The following UBE3C variants were observed in gnomAD, a reference collection of about 807,000 sequenced individuals.
UBE3C encodes the protein ubiquitin-protein ligase E3C.
In UBE3C, 42 loss-of-function variants were observed where a neutral mutation model predicts 129.4. The observed-to-expected ratio is 0.32, with a 90% CI of 0.25 to 0.42. UBE3C has a LOEUF of 0.42. Among genes scored for constraint, UBE3C ranks in the 10% least tolerant of loss-of-function variants. The probability of loss-of-function intolerance (pLI) is 1.00; values close to 1 mark genes in which losing one functional copy is unlikely to be tolerated. For synonymous variants in UBE3C, 510 were observed against 492.4 expected (o/e 1.04, Z -0.47); for missense variants, 1,049 against 1,319.1 (o/e 0.80, Z 3.17).
intron 22 of UBE3C, among the ~76,000 whole-genome samples, chr7:157,265,683 T>C (rs1395462659): frequency 6.6e-6 from 1 of 152,212 alleles, no homozygotes; most frequent in South Asian, 2.1e-4. Context: ...CGGAATACTG[T>C]GTCCAATGTG....
At chr7:157,164,076 T>C (rs1208359427) in intron 2 of UBE3C, among the ~76,000 whole-genome samples, 9 of 152,132 alleles carry the variant, frequency 5.9e-5, no homozygotes, top group Admixed American at 1.3e-4. Context: ...AGAAGGAACA[T>C]GGGCTTTTGG....
At chr7:157,254,984 A>G (rs1303180251) in intron 21 of UBE3C, among the ~76,000 whole-genome samples, 1 of 137,068 alleles carries the variant, frequency 7.3e-6, no homozygotes, top group African/African-American at 3.1e-5. Flanking sequence ...GTGGTGGCGT[A>G]CACCTGCAGT....
intron 18 of UBE3C, among the ~76,000 whole-genome samples, chr7:157,238,282 G>A (rs1182399): frequency 0.95 from 145,164 of 152,170 alleles, 69,295 homozygotes; most frequent in East Asian, 0.99. Context: ...GGCGTCACCA[G>A]CAGAGGGCAG....
chr7:157,146,949 C>A (rs1305326721), intron 1 of UBE3C, among the ~76,000 whole-genome samples: 1 of 152,210 alleles, frequency 6.6e-6, no homozygotes, highest in Non-Finnish European at 1.5e-5. Flanking sequence ...CCGCGCCCAA[C>A]CATAGTAAGC....
chr7:157,267,549 GT>G, intron 22 of UBE3C, 35 bp from the exon 23 acceptor site: 1 of 1,610,252 alleles, frequency 6.2e-7, no homozygotes, highest in Non-Finnish European at 8.5e-7. Context: ...TGCCATGCTT[GT>G]TACAGTGACA....
intron 10 of UBE3C, among the ~76,000 whole-genome samples, chr7:157,200,165 A>G (rs1023407120): frequency 6.6e-6 from 1 of 152,240 alleles, no homozygotes; most frequent in Non-Finnish European, 1.5e-5. Flanking sequence ...GCTGGGCTGA[A>G]TGATCTAATA....
At position 157,178,781 on chromosome 7, in the gene UBE3C, G is replaced by C; in HGVS notation, c.550G>C (p.Val184Leu). The C allele has an allele frequency of 6.2e-7, 1 of 1,614,202 alleles. No individual in the cohort carries two copies. The highest frequency in any genetic ancestry group is 1.3e-5 in the African/African-American group (1 of 75,064). The change falls in exon 6 of 23, where the codon GTT (valine) becomes CTT (leucine). Residue 184 changes from valine (V) to leucine (L), a missense_variant. Around this residue, in one of 4 missense-constraint regions of UBE3C, gnomAD observed 489 missense variants for 513.8 expected, o/e 0.95. Coordinates refer to ENST00000348165, the MANE Select transcript of UBE3C (RefSeq NM_014671.3). ...TTCGTCTGAGAATACTTACTTGCCT[G>C]TTTTACAAGATGCTAGCTATGTGGT... ...VFSSENTYLP[V>L]LQDASYVVSV...
intron 14 of UBE3C, among the ~76,000 whole-genome samples, chr7:157,217,595 G>C (rs1795617745): frequency 6.6e-6 from 1 of 152,182 alleles, no homozygotes; most frequent in African/African-American, 2.4e-5. Context: ...CCAGCACTTG[G>C]GGAAGCCGAC....
rs1480806805 is a variant in UBE3C, at chr7:157,268,635, C to T, written c.*880C>T. 1.3e-5 allele frequency: 2 copies of T among 152,686 alleles called. No homozygotes were observed. Among genetic ancestry groups the T allele is most frequent in the Admixed American group, 6.5e-5 (1 of 15,284 alleles). The allele number at this position is 152,686 out of a possible 1,614,324, so 9.5% of individuals were successfully genotyped here. On this transcript the variant is annotated 3_prime_UTR_variant, in exon 23 of 23. Coordinates refer to ENST00000348165, the MANE Select transcript of UBE3C (RefSeq NM_014671.3). ...CTAGCCGTGCCGGTCTCCCATCATC[C>T]GCTCGCCCTCCTTTCCCCTGGGCTG...
intron 18 of UBE3C, among the ~76,000 whole-genome samples, chr7:157,244,654 T>C (rs1796430194): frequency 6.6e-6 from 1 of 152,228 alleles, no homozygotes. Flanking sequence ...ACAGAAATGG[T>C]CTGTGATGTG....
At chr7:157,229,625 G>A (rs1795968952) in intron 17 of UBE3C, among the ~76,000 whole-genome samples, 1 of 149,474 alleles carries the variant, frequency 6.7e-6, no homozygotes, top group Non-Finnish European at 1.5e-5. Context: ...CCTGTTTTTG[G>A]GGTTTTTAAA....
chr7:157,248,677 C>T (rs2116681529), intron 19 of UBE3C, 97 bp downstream of exon 19: 1 of 1,315,934 alleles, frequency 7.6e-7, no homozygotes, highest in East Asian at 2.3e-5. Context: ...TTGACTTCCG[C>T]ACATTTTAGT....
At chr7:157,267,509 T>C in intron 22 of UBE3C, 76 bp from the exon 23 acceptor site, 1 of 1,544,474 alleles carries the variant, frequency 6.5e-7, no homozygotes, top group South Asian at 1.2e-5. Context: ...GCAGGCACAT[T>C]TTGTGTACTT....
In UBE3C at chr7:157,267,632, G is replaced by A. The variant is rs781550302; in HGVS notation, c.3129G>A (p.Glu1043=). 2 of 1,613,416 alleles carry A rather than the reference G, an allele frequency of 1.2e-6. No individual in the cohort carries two copies. Among genetic ancestry groups the A allele is most frequent in the South Asian group, 2.2e-5 (2 of 90,944 alleles). ...FCIHNGGSDL[E]RLPTASTCMN... The stretch of plus-strand genomic sequence containing the variant: ...TTCACAACGGAGGCTCCGACCTTGA[G>A]CGGCTCCCCACAGCCAGCACCTGCA... The change falls in exon 23 of 23, where the codon GAG becomes GAA. Residue 1043 remains glutamate (E), a synonymous_variant. Transcript: ENST00000348165.
rs150196782 is a variant in UBE3C, at chr7:157,196,154, G to A, written c.1332-5567G>A. Among the ~76,000 whole-genome samples the A allele has an allele frequency of 4.5e-3, 685 of 152,280 alleles. 6 individuals carry two copies. The highest frequency in any genetic ancestry group is 0.017 in the South Asian group (80 of 4,828). On this transcript the variant is annotated intron_variant, in intron 10 of 22. Transcript: ENST00000348165. ...GTGCTGGTTTTTAAGATAGAAGGCCGCAAGCCAAGGAATGCGGATGTTCTC... is the reference window on the plus strand; with the variant it reads ...GTGCTGGTTTTTAAGATAGAAGGCCACAAGCCAAGGAATGCGGATGTTCTC...
At chr7:157,149,760 G>A (rs1807708580) in intron 1 of UBE3C, among the ~76,000 whole-genome samples, 1 of 152,166 alleles carries the variant, frequency 6.6e-6, no homozygotes, top group Non-Finnish European at 1.5e-5. Flanking sequence ...AAGCTGTAAG[G>A]AGCTTCACTC....
intron 15 of UBE3C, 182 bp from the exon 16 acceptor site, chr7:157,223,072 T>G (rs903952365): frequency 4.3e-5 from 25 of 578,850 alleles, no homozygotes; most frequent in Non-Finnish European, 6.5e-5. Flanking sequence ...GGGGAGCTAC[T>G]GTGCTGATCC....
intron 13 of UBE3C, among the ~76,000 whole-genome samples, chr7:157,211,030 G>A (rs1809576468): frequency 6.6e-6 from 1 of 152,198 alleles, no homozygotes; most frequent in Admixed American, 6.5e-5. Context: ...TTAGCTTGAT[G>A]AGATAGGAAA....
intron 14 of UBE3C, among the ~76,000 whole-genome samples, chr7:157,217,572 C>G (rs931025200): frequency 4.6e-5 from 7 of 152,092 alleles, no homozygotes; most frequent in African/African-American, 1.4e-4. Context: ...CGCGGTGGCT[C>G]ACGCCTGTAA....
Sources: gnomAD v4.1 joint callset for allele counts (sites outside exome capture counted in the v4.1 genomes callset) on GRCh38, gnomAD v4.1.1 for gene constraint, gnomAD v4.1.1 regional missense constraint, MANE v1.5 for transcripts, NCBI Gene and HGNC (gene_info 2026-07-23, HGNC 2026-07-21) for gene names.